DLGAP1: variants seen among roughly 807,000 people sequenced by gnomAD.
DLGAP1 encodes the protein disks large-associated protein 1.
In DLGAP1, 11 loss-of-function variants were observed where a neutral mutation model predicts 90.8. The ratio of observed to expected loss-of-function variants is 0.12; its 90% CI spans 0.08 to 0.20. The LOEUF (loss-of-function observed/expected upper bound fraction) is 0.20, where lower values mean the gene tolerates loss of function less well. Among genes scored for constraint, DLGAP1 ranks in the 10% least tolerant of loss-of-function variants. The probability of loss-of-function intolerance (pLI) is 1.00; values close to 1 mark genes in which losing one functional copy is unlikely to be tolerated. For missense variants in DLGAP1, 1,050 were observed against 1,333.8 expected (o/e 0.79, Z 3.31); for synonymous variants, 558 against 540.7 (o/e 1.03, Z -0.44).
intron 1 of DLGAP1, among the ~76,000 whole-genome samples, chr18:4,324,578 C>T (rs1040643320): frequency 6.6e-6 from 1 of 151,876 alleles, no homozygotes; most frequent in Non-Finnish European, 1.5e-5. Flanking sequence ...AAAAACACTT[C>T]AGGCAATAAC....
At chr18:4,058,049 G>C (rs1247209503) in intron 2 of DLGAP1, among the ~76,000 whole-genome samples, 1 of 152,144 alleles carries the variant, frequency 6.6e-6, no homozygotes, top group Non-Finnish European at 1.5e-5. Context: ...TGGCCCTCTG[G>C]GACAGGAGGC....
At chr18:4,091,202 A>G (rs935453400) in intron 2 of DLGAP1, among the ~76,000 whole-genome samples, 4 of 152,216 alleles carry the variant, frequency 2.6e-5, no homozygotes, top group African/African-American at 9.6e-5. Context: ...ATGTTTGCCT[A>G]TGTAACAAAC....
At chr18:3,636,445 G>A (rs933332035) in intron 7 of DLGAP1, among the ~76,000 whole-genome samples, 3 of 151,578 alleles carry the variant, frequency 2.0e-5, no homozygotes. Flanking sequence ...ACGGAGTCTC[G>A]CTATCTTCTA....
At chr18:3,606,578 A>G (rs750925597) in intron 7 of DLGAP1, 39 of 152,204 alleles carry the variant, frequency 2.6e-4, no homozygotes, top group Admixed American at 5.9e-4. Context: ...AAGAAACTGA[A>G]TTTGAAGTGG....
chr18:3,649,857 T>C (rs968311444), intron 7 of DLGAP1, among the ~76,000 whole-genome samples: 2 of 152,068 alleles, frequency 1.3e-5, no homozygotes, highest in Admixed American at 6.5e-5. Flanking sequence ...GGTTGGTCAT[T>C]TGAGGTCAAC....
intron 2 of DLGAP1, among the ~76,000 whole-genome samples, chr18:4,081,284 C>T (rs1192705003): frequency 6.7e-5 from 10 of 150,234 alleles, no homozygotes; most frequent in Admixed American, 6.6e-4. Flanking sequence ...CATTGCACTC[C>T]AGCCTGGGCA....
chr18:3,943,583 T>C (rs1396832383), intron 3 of DLGAP1, among the ~76,000 whole-genome samples: 1 of 151,536 alleles, frequency 6.6e-6, no homozygotes, highest in Non-Finnish European at 1.5e-5. Context: ...AAAGGGGAGA[T>C]AACTCAGAGA....
chr18:3,844,080 A>G (rs1474416685), intron 4 of DLGAP1, among the ~76,000 whole-genome samples: 1 of 152,238 alleles, frequency 6.6e-6, no homozygotes, highest in African/African-American at 2.4e-5. Context: ...TCCATGAAAC[A>G]AAAACACCTG....
At chr18:3,699,890 G>A (rs991368229) in intron 7 of DLGAP1, among the ~76,000 whole-genome samples, 4 of 152,084 alleles carry the variant, frequency 2.6e-5, no homozygotes, top group East Asian at 3.9e-4. Flanking sequence ...GCTGAGCTGC[G>A]GTTCAAACTT....
At chr18:4,191,632 C>T (rs986217808) in intron 1 of DLGAP1, among the ~76,000 whole-genome samples, 1 of 152,158 alleles carries the variant, frequency 6.6e-6, no homozygotes, top group Non-Finnish European at 1.5e-5. Flanking sequence ...TCAAAATCCT[C>T]CGAAGGCTCT....
intron 3 of DLGAP1, among the ~76,000 whole-genome samples, chr18:3,977,264 G>T (rs912171959): frequency 1.3e-5 from 2 of 152,014 alleles, no homozygotes; most frequent in Non-Finnish European, 2.9e-5. Flanking sequence ...TAGAGACGGG[G>T]TTTTCCCATG....
chr18:4,127,722 G>A (rs1480963035), intron 2 of DLGAP1, among the ~76,000 whole-genome samples: 2 of 152,126 alleles, frequency 1.3e-5, no homozygotes, highest in African/African-American at 4.8e-5. Context: ...GTCATCTAAT[G>A]TAATGGTGAA....
At chr18:4,152,674 C>G (rs1255452132) in intron 1 of DLGAP1, among the ~76,000 whole-genome samples, 2 of 152,194 alleles carry the variant, frequency 1.3e-5, no homozygotes, top group African/African-American at 2.4e-5. Context: ...AGAAACACAA[C>G]AGCCTCAGGC....
intron 1 of DLGAP1, among the ~76,000 whole-genome samples, chr18:4,282,746 G>C (rs1325663688): frequency 1.3e-5 from 2 of 152,150 alleles, no homozygotes; most frequent in African/African-American, 4.8e-5. Flanking sequence ...CATAACTGGG[G>C]GCTGGCATTG....
At chr18:4,366,924 C>T (rs75155485) in intron 1 of DLGAP1, among the ~76,000 whole-genome samples, 3,671 of 128,098 alleles carry the variant, frequency 0.029, 94 homozygotes, top group African/African-American at 0.065. Flanking sequence ...AGTTATCTCA[C>T]AGAAAAATTG....
At chr18:3,983,586 T>C (rs1037975759) in intron 3 of DLGAP1, 2 of 152,220 alleles carry the variant, frequency 1.3e-5, no homozygotes, top group African/African-American at 4.8e-5. Flanking sequence ...TTATGTTCTC[T>C]ATCAAAACTG....
intron 5 of DLGAP1, among the ~76,000 whole-genome samples, chr18:3,779,764 CT>C (rs11355225): frequency 0.48 from 68,390 of 142,262 alleles, 16,627 homozygotes; most frequent in African/African-American, 0.62. Flanking sequence ...TCAGTGCACC[CT>C]TTTTTTTTTT....
intron 10 of DLGAP1, among the ~76,000 whole-genome samples, chr18:3,511,661 GC>G (rs2050553368): frequency 6.6e-6 from 1 of 152,030 alleles, no homozygotes; most frequent in Non-Finnish European, 1.5e-5. Flanking sequence ...GAACTCCTGG[GC>G]TGAAGCAATC....
chr18:3,934,427 G>C (rs1404275595), intron 3 of DLGAP1, among the ~76,000 whole-genome samples: 1 of 152,092 alleles, frequency 6.6e-6, no homozygotes, highest in Non-Finnish European at 1.5e-5. Flanking sequence ...ATATCTAGGG[G>C]CATCTGCTAT....
Sources: allele counts gnomAD v4.1 joint callset (sites outside exome capture counted in the v4.1 genomes callset), GRCh38; gene constraint gnomAD v4.1.1; transcripts MANE v1.5; gene names NCBI Gene and HGNC (gene_info 2026-07-23, HGNC 2026-07-21).